FGF1: variants seen among roughly 807,000 people sequenced by gnomAD.
The protein encoded by FGF1 is beta-endothelial cell growth factor.
A neutral mutation model predicts 13.4 loss-of-function variants in FGF1; 9 were observed. That is an observed-to-expected ratio of 0.67 (90% CI 0.40 to 1.17). The LOEUF is 1.17. FGF1 is among the 50% of genes most tolerant of loss of function. The pLI is 0.01. For synonymous variants in FGF1, 93 were observed against 79.0 expected (o/e 1.18, Z -0.94); for missense variants, 156 against 192.7 (o/e 0.81, Z 1.13).
At chr5:142,595,685 G>T (rs192535580) in intron 3 of FGF1, among the ~76,000 whole-genome samples, 2 of 152,330 alleles carry the variant, frequency 1.3e-5, no homozygotes, top group Non-Finnish European at 2.9e-5. Flanking sequence ...GCACTAAAGA[G>T]CTGTCAATAT....
At chr5:142,636,570 G>T (rs1287757451) in intron 1 of FGF1, among the ~76,000 whole-genome samples, 1 of 152,168 alleles carries the variant, frequency 6.6e-6, no homozygotes, top group Non-Finnish European at 1.5e-5. Context: ...TTTGAATTCT[G>T]GTGGGGAAGA....
intron 1 of FGF1, among the ~76,000 whole-genome samples, chr5:142,641,069 T>C (rs1486193388): frequency 6.6e-6 from 1 of 152,026 alleles, no homozygotes; most frequent in Non-Finnish European, 1.5e-5. Context: ...GGAAAGATAA[T>C]TTGGGCGTAT....
At chr5:142,628,731 A>G (rs999532765) in intron 1 of FGF1, among the ~76,000 whole-genome samples, 4 of 152,224 alleles carry the variant, frequency 2.6e-5, no homozygotes, top group African/African-American at 9.6e-5. Context: ...TGTCATGTTT[A>G]GAGATTAAAG....
rs901109077 is a variant in FGF1 at position 142,600,911 on chromosome 5, A to G, written c.170-106T>C. On this transcript the variant is annotated intron_variant, in intron 2 of 3. Transcript: ENST00000337706. ...ATGGAAAATTCTGCTCATTCATTTCACGGAGCCCTCAGGGATGAGCCTCAG... is the reference window on the plus strand; with the variant it reads ...ATGGAAAATTCTGCTCATTCATTTCGCGGAGCCCTCAGGGATGAGCCTCAG... The G allele has an allele frequency of 1.6e-5, 12 of 746,782 alleles. No homozygotes were observed. In the South Asian group the frequency reaches 2.0e-4, roughly 12 times the overall value. 46.3% of individuals were successfully genotyped at this position (746,782 alleles called of 1,614,324 possible).
At chr5:142,615,299 C>T (rs969384411) in intron 1 of FGF1, among the ~76,000 whole-genome samples, 1 of 152,084 alleles carries the variant, frequency 6.6e-6, no homozygotes, top group Admixed American at 6.5e-5. Flanking sequence ...CTCACTGCAA[C>T]CTTGGCCTCC....
chr5:142,667,856 T>C (rs1770727465), intron 1 of FGF1, among the ~76,000 whole-genome samples: 1 of 152,222 alleles, frequency 6.6e-6, no homozygotes, highest in South Asian at 2.1e-4. Context: ...GGAAGCGCCC[T>C]GGCTAGCCTG....
At chr5:142,629,449 C>A (rs1412779046) in intron 1 of FGF1, among the ~76,000 whole-genome samples, 2 of 152,208 alleles carry the variant, frequency 1.3e-5, no homozygotes, top group Non-Finnish European at 2.9e-5. Flanking sequence ...TAGGCATGAG[C>A]CACTGCGCTG....
Position 142,595,075 on chromosome 5 carries a change from T to C in FGF1, c.*215A>G, listed in dbSNP as rs1047198588. 4.4e-6 allele frequency: 2 copies of C among 456,570 alleles called. No individual in the cohort carries two copies. Among genetic ancestry groups the C allele is most frequent in the Admixed American group, 7.7e-5 (2 of 25,814 alleles). The allele number at this position is 456,570 out of a possible 1,614,324, so 28.3% of individuals were successfully genotyped here. A position where few individuals can be genotyped will look rare whatever the true frequency, so the allele number is the denominator to read the frequency against. ...GACCCAGACTGGCCAGCCAGTTGAC[T>C]CCTAGAAGCAATTTGGTCCCTCTGT... is the stretch of plus-strand genomic sequence containing the variant. On this transcript the variant is annotated 3_prime_UTR_variant, in exon 4 of 4. Coordinates refer to ENST00000337706, the MANE Select transcript of FGF1 (RefSeq NM_000800.5).
At chr5:142,690,326 G>A (rs2152068291), upstream of FGF1, among the ~76,000 whole-genome samples, 1 of 152,166 alleles carries the variant, frequency 6.6e-6, no homozygotes, top group African/African-American at 2.4e-5. Flanking sequence ...GTGACAGAGT[G>A]AGACTCCGTC....
chr5:142,675,313 G>A (rs1772323569), intron 1 of FGF1, among the ~76,000 whole-genome samples: 1 of 152,088 alleles, frequency 6.6e-6, no homozygotes, highest in African/African-American at 2.4e-5. Context: ...CCATATTCTG[G>A]CCTCCCTTGG....
chr5:142,643,265 C>T (rs1765483674), intron 1 of FGF1, among the ~76,000 whole-genome samples: 1 of 151,644 alleles, frequency 6.6e-6, no homozygotes, highest in African/African-American at 2.4e-5. Context: ...ACAGTATCAC[C>T]ATATATGCAT....
At chr5:142,607,253 A>G (rs1255879142) in intron 2 of FGF1, among the ~76,000 whole-genome samples, 4 of 152,152 alleles carry the variant, frequency 2.6e-5, no homozygotes, top group Non-Finnish European at 2.9e-5. Context: ...AGGCACCTCT[A>G]AAGCTCTAAC....
At chr5:142,686,290 G>T (rs1339569681), upstream of FGF1, 1 of 152,278 alleles carries the variant, frequency 6.6e-6, no homozygotes. Context: ...CCTGCCTTTA[G>T]ACAACCGCCC....
At chr5:142,642,256 T>C (rs1765320865) in intron 1 of FGF1, among the ~76,000 whole-genome samples, 2 of 152,136 alleles carry the variant, frequency 1.3e-5, no homozygotes, top group African/African-American at 4.8e-5. Context: ...AAAGGTTACA[T>C]GGAGACAGGA....
At chr5:142,657,770 C>A (rs1322841354) in intron 1 of FGF1, among the ~76,000 whole-genome samples, 1 of 152,352 alleles carries the variant, frequency 6.6e-6, no homozygotes, top group African/African-American at 2.4e-5. Flanking sequence ...CCACTCTGGA[C>A]AATTCTTGCC....
intron 1 of FGF1, among the ~76,000 whole-genome samples, chr5:142,617,119 C>A (rs938213697): frequency 6.6e-6 from 1 of 152,184 alleles, no homozygotes; most frequent in Non-Finnish European, 1.5e-5. Flanking sequence ...AATCCTAGCA[C>A]TTTGGGAGGC....
chr5:142,641,021 C>A (rs1045959046), intron 1 of FGF1, among the ~76,000 whole-genome samples: 2 of 151,992 alleles, frequency 1.3e-5, no homozygotes, highest in South Asian at 4.1e-4. Context: ...TGGAGACATA[C>A]ATATTACAAA....
At chr5:142,650,201 A>AGAT (rs1410005625) in intron 1 of FGF1, among the ~76,000 whole-genome samples, 1 of 152,196 alleles carries the variant, frequency 6.6e-6, no homozygotes, top group Non-Finnish European at 1.5e-5. Context: ...GGAGGGATGG[A>AGAT]GATGACATTG....
At chr5:142,608,779 TAGTATATGTG>T (rs1404735614) in intron 2 of FGF1, among the ~76,000 whole-genome samples, 1 of 116,214 alleles carries the variant, frequency 8.6e-6, no homozygotes. Flanking sequence ...CATATATATA[TAGTATATGTG>T]ATATATTATG....
Sources: gnomAD v4.1 joint callset for allele counts (sites outside exome capture counted in the v4.1 genomes callset) on GRCh38, gnomAD v4.1.1 for gene constraint, MANE v1.5 for transcripts, NCBI Gene and HGNC (gene_info 2026-07-23, HGNC 2026-07-21) for gene names.